ZNF451: variants seen among roughly 807,000 people sequenced by gnomAD.
ZNF451 encodes E3 SUMO-protein ligase ZNF451.
ZNF451 carries 80 observed loss-of-function variants against 107.1 expected under a neutral mutation model. The observed-to-expected ratio is 0.75, with a 90% CI of 0.62 to 0.90. ZNF451 has a LOEUF of 0.90. Ranked by LOEUF, ZNF451 falls within the 40% of genes least tolerant of loss-of-function variation. The probability of loss-of-function intolerance (pLI) is 0.00; values close to 1 mark genes in which losing one functional copy is unlikely to be tolerated. For missense variants in ZNF451, 1,107 were observed against 1,236.2 expected, an observed-to-expected ratio of 0.90 and a Z score of 1.57; for synonymous variants, 362 against 406.5, an observed-to-expected ratio of 0.89 and a Z score of 1.32.
intron 9 of ZNF451, among the ~76,000 whole-genome samples, chr6:57,145,379 G>A (rs1404743540): frequency 4.6e-5 from 7 of 152,114 alleles, no homozygotes; most frequent in Admixed American, 4.6e-4. Flanking sequence ...AGATATCTGG[G>A]CTTTTAATGT....
rs570223483 is a variant in ZNF451, at chr6:57,127,141, T to C, written c.313-1588T>C. On this transcript the variant is annotated intron_variant, in intron 4 of 14. Coordinates refer to ENST00000370706, the MANE Select transcript of ZNF451 (RefSeq NM_001031623.3). ...TGATTTTACTATTGTTTGTTTCTTA[T>C]TGCATGTTATTCAGTATAGTGATCC... Among the ~76,000 whole-genome samples the C allele has an allele frequency of 3.5e-4, 53 of 152,318 alleles. 1 individual carries two copies. The highest frequency in any genetic ancestry group is 1.3e-3 in the African/African-American group (53 of 41,576).
intron 13 of ZNF451, among the ~76,000 whole-genome samples, chr6:57,155,598 C>T (rs1763383041): frequency 1.3e-5 from 2 of 152,208 alleles, no homozygotes; most frequent in South Asian, 4.1e-4. Flanking sequence ...CAAGGCCAAC[C>T]TCCCTTTCCT....
rs879472903 is a variant in ZNF451 at position 57,169,785 on chromosome 6, A to G, written c.*1316A>G. Reference sequence around the variant, plus strand: ...GACATTGTGGCTTGAGAATTTATCAATCATCTTTCCGAAATGACCACATTG... The same window carrying G: ...GACATTGTGGCTTGAGAATTTATCAGTCATCTTTCCGAAATGACCACATTG... On this transcript the variant is annotated 3_prime_UTR_variant, in exon 15 of 15. Coordinates refer to ENST00000370706, the MANE Select transcript of ZNF451 (RefSeq NM_001031623.3). The G allele has an allele frequency of 1.3e-5, 2 of 152,128 alleles. No homozygotes were observed. Among genetic ancestry groups the G allele is most frequent in the East Asian group, 1.9e-4 (1 of 5,202 alleles). The allele number at this position is 152,128 out of a possible 1,614,324, so 9.4% of individuals were successfully genotyped here. A position where few individuals can be genotyped will look rare whatever the true frequency, so the allele number is the denominator to read the frequency against.
chr6:57,138,704 C>CATATATATATATATATATATAT (rs60629541), intron 7 of ZNF451, among the ~76,000 whole-genome samples: 1 of 43,756 alleles, frequency 2.3e-5, no homozygotes, highest in Non-Finnish European at 3.8e-5. Flanking sequence ...GCAGCTATGC[C>CATATATATATATATATATATAT]ATATATATAT....
intron 3 of ZNF451, chr6:57,104,482 C>T: frequency 3.0e-6 from 3 of 985,238 alleles, no homozygotes; most frequent in Non-Finnish European, 3.6e-6. Context: ...TTTTGAAATA[C>T]TCTTATTTCA....
chr6:57,166,051 G>A (rs982670485), intron 14 of ZNF451, among the ~76,000 whole-genome samples: 46 of 150,682 alleles, frequency 3.1e-4, no homozygotes, highest in Non-Finnish European at 5.3e-4. Flanking sequence ...TTTTTGAGAC[G>A]GAGTCTTCCT....
At position 57,102,015 on chromosome 6, in the gene ZNF451, G is replaced by T. The variant is rs201464144; in HGVS notation, c.186+2874G>T. The T allele has an allele frequency of 7.2e-4, 1,118 of 1,550,098 alleles. 2 individuals carry two copies. Among genetic ancestry groups the T allele is most frequent in the Middle Eastern group, 1.7e-3 (10 of 5,988 alleles). ...ATCACAATAGAGGATACTCCAAAGG[G>T]GATTGGTACAAACCTCGAAACCACC... On this transcript the variant is annotated intron_variant, in intron 3 of 14. Coordinates refer to ENST00000370706, the MANE Select transcript of ZNF451 (RefSeq NM_001031623.3).
Position 57,148,268 on chromosome 6 carries a change from A to G in ZNF451, c.2183A>G (p.Tyr728Cys). The G allele has an allele frequency of 6.2e-7, 1 of 1,614,016 alleles. No homozygotes were observed. Among genetic ancestry groups the G allele is most frequent in the Non-Finnish European group, 8.5e-7 (1 of 1,179,956 alleles). Reference protein sequence around the residue: ...NQLTCGCRESYICKVNRKEDY... With the variant: ...NQLTCGCRESCICKVNRKEDY... ...TTAACTTGTGGTTGCCGTGAGAGTT[A>G]CATCTGTAAAGTCAACAGAAAAGAA... Residue 728 changes from tyrosine (Y) to cysteine (C), a missense_variant, in exon 10 of 15, where the codon TAC (tyrosine) becomes TGC (cysteine). By Grantham distance (194) the Tyr-to-Cys change is radical. Coordinates refer to ENST00000370706, the MANE Select transcript of ZNF451 (RefSeq NM_001031623.3).
At chr6:57,163,474 G>T (rs1335998689) in intron 14 of ZNF451, among the ~76,000 whole-genome samples, 1 of 26,128 alleles carries the variant, frequency 3.8e-5, no homozygotes, top group Non-Finnish European at 1.0e-4. Context: ...TTTTTGAGAC[G>T]GAGTCTCGCT....
intron 10 of ZNF451, among the ~76,000 whole-genome samples, chr6:57,150,154 T>C (rs1832277402): frequency 6.6e-6 from 1 of 152,066 alleles, no homozygotes; most frequent in African/African-American, 2.4e-5. Context: ...GATGTGTTTA[T>C]AGGGGGAGGT....
chr6:57,091,781 G>A (rs998309709), intron 2 of ZNF451, among the ~76,000 whole-genome samples: 1 of 151,914 alleles, frequency 6.6e-6, no homozygotes, highest in Non-Finnish European at 1.5e-5. Context: ...AGAATTTTTC[G>A]TTGAGTGTCA....
In ZNF451 at chr6:57,096,216, C is replaced by T. The variant is rs1321524790; in HGVS notation, c.106-2845C>T. On this transcript the variant is annotated intron_variant, in intron 2 of 14. Transcript: ENST00000370706. ...TTTTTTTTTTTGAGATGGAGTTTCG[C>T]TCTTGTCACCCAGGCTGGAGTGCAG... Among the ~76,000 whole-genome samples, 9 of 106,296 alleles carry T rather than the reference C, an allele frequency of 8.5e-5. No homozygotes were observed. The East Asian group carries it at 2.5e-3, about 30-fold the overall frequency. The allele number at this position is 106,296 out of a possible 152,430, so 69.7% of individuals were successfully genotyped here. A position where few individuals can be genotyped will look rare whatever the true frequency, so the allele number is the denominator to read the frequency against.
rs186920402 is a variant in ZNF451, at chr6:57,109,265, A to G, written c.186+10124A>G. On this transcript the variant is annotated intron_variant, in intron 3 of 14. Coordinates refer to ENST00000370706, the MANE Select transcript of ZNF451 (RefSeq NM_001031623.3). The stretch of plus-strand genomic sequence containing the variant: ...ATTGCTTGAGTTTTTTCTTTGTTCA[A>G]TGTTGTTTATTACATTCATTTTGTT... 732 of 984,356 alleles carry G rather than the reference A, an allele frequency of 7.4e-4. 1 individual carries two copies. The highest frequency in any genetic ancestry group is 1.5e-3 in the East Asian group (13 of 8,788). The allele number at this position is 984,356 out of a possible 1,614,324, so 61.0% of individuals were successfully genotyped here.
chr6:57,095,203 T>C (rs1229729014), intron 2 of ZNF451, among the ~76,000 whole-genome samples: 1 of 152,174 alleles, frequency 6.6e-6, no homozygotes, highest in Non-Finnish European at 1.5e-5. Context: ...GCCATTTTAG[T>C]GATTTTCAAC....
rs778821123 is a variant in ZNF451, at chr6:57,148,191, A to G, written c.2106A>G (p.Glu702=). 1 of 1,614,036 alleles carries G rather than the reference A, an allele frequency of 6.2e-7. No individual in the cohort carries two copies. The highest frequency in any genetic ancestry group is 8.5e-7 in the Non-Finnish European group (1 of 1,179,960). Residue 702 remains glutamate (E), a synonymous_variant, in exon 10 of 15, where the codon GAA becomes GAG. Coordinates refer to ENST00000370706, the MANE Select transcript of ZNF451 (RefSeq NM_001031623.3). Reference sequence around the variant, plus strand: ...ATGTATTTGTGTCAGAAAAAACTGAAACTTCAATTAAAACCGAAGATGATT... The same window carrying G: ...ATGTATTTGTGTCAGAAAAAACTGAGACTTCAATTAAAACCGAAGATGATT... ...IDYVFVSEKT[E]TSIKTEDDFP...
At chr6:57,105,586 A>C in intron 3 of ZNF451, 1 of 985,420 alleles carries the variant, frequency 1.0e-6, no homozygotes, top group African/African-American at 1.7e-5. Flanking sequence ...AAGGTTGTAG[A>C]GTATACCTCC....
chr6:57,101,961 C>G, intron 3 of ZNF451: 1 of 1,550,478 alleles, frequency 6.4e-7, no homozygotes, highest in Non-Finnish European at 8.7e-7. Flanking sequence ...AGCATCGATA[C>G]TTTTATAGTC....
chr6:57,091,771 A>G (rs1829059248), intron 2 of ZNF451, among the ~76,000 whole-genome samples: 1 of 152,220 alleles, frequency 6.6e-6, no homozygotes. Context: ...TTCAAGCTGT[A>G]GAATTTTTCG....
intron 7 of ZNF451, among the ~76,000 whole-genome samples, chr6:57,135,420 T>C (rs547525352): frequency 2.0e-5 from 3 of 152,258 alleles, no homozygotes; most frequent in African/African-American, 7.2e-5. Flanking sequence ...CTTACTAACA[T>C]TGCAGAAGTA....
Sources: allele counts gnomAD v4.1 joint callset (sites outside exome capture counted in the v4.1 genomes callset), GRCh38; gene constraint gnomAD v4.1.1; transcripts MANE v1.5; gene names NCBI Gene and HGNC (gene_info 2026-07-23, HGNC 2026-07-21).